Variants in NFIA observed in about 807,000 individuals in gnomAD.
The protein encoded by NFIA is nuclear factor I A.
NFIA carries 8 observed loss-of-function variants against 62.8 expected under a neutral mutation model. The observed-to-expected ratio is 0.13, with a 90% confidence interval of 0.07 to 0.23. The LOEUF (loss-of-function observed/expected upper bound fraction) is 0.23, where lower values mean the gene tolerates loss of function less well. Ranked by LOEUF, NFIA falls within the 10% of genes least tolerant of loss-of-function variation. The probability of loss-of-function intolerance (pLI) is 1.00; values close to 1 mark genes in which losing one functional copy is unlikely to be tolerated. For synonymous variants in NFIA, 235 were observed against 238.1 expected, an observed-to-expected ratio of 0.99 and a Z score of 0.12; for missense variants, 410 against 642.1, an observed-to-expected ratio of 0.64 and a Z score of 3.91.
chr1:61,440,604 A>G (rs1354251016), intron 10 of NFIA, among the ~76,000 whole-genome samples: 1 of 151,984 alleles, frequency 6.6e-6, no homozygotes, highest in Non-Finnish European at 1.5e-5. Flanking sequence ...AAAAAAGAAC[A>G]CGTATTTCTC....
At position 61,404,231 on chromosome 1, in the gene NFIA, A is replaced by G. The variant is rs766403055; in HGVS notation, c.1203A>G (p.Gln401=). 4 of 1,614,088 alleles carry G rather than the reference A, an allele frequency of 2.5e-6. No individual in the cohort carries two copies. The South Asian group carries it at 3.3e-5, about 13-fold the overall frequency. Residue 401 remains glutamine, a synonymous_variant, in exon 8 of 11, where the codon CAA becomes CAG. Coordinates refer to ENST00000403491, the MANE Select transcript of NFIA (RefSeq NM_001134673.4). ...HPQETLKEFV[Q]LVCPDAGQQA... The stretch of plus-strand genomic sequence containing the variant: ...AGGAGACGCTGAAAGAATTTGTCCA[A>G]CTTGTCTGCCCTGATGCTGGTCAGC...
At position 61,404,094 on chromosome 1, in the gene NFIA, T is replaced by G; in HGVS notation, c.1076-10T>G. The G allele has an allele frequency of 6.2e-7, 1 of 1,613,724 alleles. No individual in the cohort carries two copies. Among genetic ancestry groups the G allele is most frequent in the Non-Finnish European group, 8.5e-7 (1 of 1,179,738 alleles). On this transcript the variant is annotated splice_polypyrimidine_tract_variant and intron_variant, in intron 7 of 10. Coordinates refer to ENST00000403491, the MANE Select transcript of NFIA (RefSeq NM_001134673.4). ...TCTTTTCATAACCCTGATGTTTTCT[T>G]TTCCTGCAGCAAGTCCGCATGCAAC...
chr1:61,091,460 T>A (rs1036019459), intron 2 of NFIA, among the ~76,000 whole-genome samples: 4 of 152,192 alleles, frequency 2.6e-5, no homozygotes, highest in African/African-American at 9.7e-5. Context: ...AACTGTGAAT[T>A]TTGTGGCTGA....
At chr1:61,258,772 A>C (rs1656578347) in intron 2 of NFIA, among the ~76,000 whole-genome samples, 1 of 152,048 alleles carries the variant, frequency 6.6e-6, no homozygotes, top group South Asian at 2.1e-4. Context: ...TTTGCCACCC[A>C]GGCTGGAGTG....
At chr1:61,395,132 G>T (rs1272971618) in intron 7 of NFIA, among the ~76,000 whole-genome samples, 2 of 152,014 alleles carry the variant, frequency 1.3e-5, no homozygotes, top group African/African-American at 4.8e-5. Context: ...GAGAAAAGTA[G>T]CCTATGCTTT....
At chr1:61,373,478 A>G (rs1664001950) in intron 6 of NFIA, among the ~76,000 whole-genome samples, 1 of 152,118 alleles carries the variant, frequency 6.6e-6, no homozygotes, top group Non-Finnish European at 1.5e-5. Flanking sequence ...CACTGGAATT[A>G]ATAGAGCTCC....
intron 4 of NFIA, among the ~76,000 whole-genome samples, chr1:61,333,329 AT>A (rs1466347880): frequency 6.6e-6 from 1 of 152,150 alleles, no homozygotes; most frequent in Non-Finnish European, 1.5e-5. Flanking sequence ...AAAAAGAAAC[AT>A]TTTCATTTCA....
intron 2 of NFIA, among the ~76,000 whole-genome samples, chr1:61,109,612 T>C (rs1646661960): frequency 6.6e-6 from 1 of 151,914 alleles, no homozygotes; most frequent in South Asian, 2.1e-4. Flanking sequence ...AAAAGTTTTC[T>C]GTTTATCGGT....
intron 2 of NFIA, among the ~76,000 whole-genome samples, chr1:61,151,793 C>G (rs1648434161): frequency 6.6e-6 from 1 of 152,232 alleles, no homozygotes; most frequent in Non-Finnish European, 1.5e-5. Flanking sequence ...CACTGGCTCA[C>G]AGAGTGATGA....
chr1:61,324,039 A>G (rs1409894612), intron 3 of NFIA, among the ~76,000 whole-genome samples: 1 of 152,186 alleles, frequency 6.6e-6, no homozygotes, highest in African/African-American at 2.4e-5. Flanking sequence ...CACACCTAAA[A>G]TGTTCTGTGT....
chr1:61,095,811 C>A (rs1323055304), intron 2 of NFIA, among the ~76,000 whole-genome samples: 1 of 152,046 alleles, frequency 6.6e-6, no homozygotes, highest in African/African-American at 2.4e-5. Flanking sequence ...TTTGAGAAGC[C>A]TTTGTGTATT....
intron 6 of NFIA, among the ~76,000 whole-genome samples, chr1:61,370,677 ATTC>A (rs1264447194): frequency 1.3e-5 from 2 of 152,144 alleles, no homozygotes; most frequent in African/African-American, 4.8e-5. Flanking sequence ...CAAGTGAGGA[ATTC>A]TTCCTGTGGT....
At chr1:61,444,977 T>A (rs184748600) in intron 10 of NFIA, among the ~76,000 whole-genome samples, 56 of 152,316 alleles carry the variant, frequency 3.7e-4, no homozygotes, top group African/African-American at 1.3e-3. Context: ...TTCCCAAATC[T>A]CAGTTGCTGG....
chr1:61,307,907 G>C (rs1041674), intron 3 of NFIA, among the ~76,000 whole-genome samples: 72,676 of 151,960 alleles, frequency 0.48, 19,982 homozygotes, highest in South Asian at 0.67. Flanking sequence ...AATGTCAGTT[G>C]TTGTTGTTGT....
intron 6 of NFIA, among the ~76,000 whole-genome samples, chr1:61,376,647 CT>C (rs1242494911): frequency 2.6e-5 from 4 of 152,150 alleles, no homozygotes; most frequent in East Asian, 1.9e-4. Context: ...TATACCCTTC[CT>C]TTTTTTCCCC....
chr1:61,386,624 C>A (rs1053297705), intron 7 of NFIA, among the ~76,000 whole-genome samples: 1 of 152,190 alleles, frequency 6.6e-6, no homozygotes, highest in African/African-American at 2.4e-5. Context: ...AAGGTCACCT[C>A]ACTAAAAACA....
At chr1:61,128,608 G>T (rs1239677165) in intron 2 of NFIA, among the ~76,000 whole-genome samples, 2 of 151,988 alleles carry the variant, frequency 1.3e-5, no homozygotes, top group Non-Finnish European at 2.9e-5. Flanking sequence ...CAAAAAAGAT[G>T]ACCTTTATTA....
At chr1:61,248,485 A>G (rs1044502697) in intron 2 of NFIA, among the ~76,000 whole-genome samples, 1 of 152,122 alleles carries the variant, frequency 6.6e-6, no homozygotes, top group Non-Finnish European at 1.5e-5. Context: ...TTTCCTTATG[A>G]TGTGTGATTT....
intron 10 of NFIA, among the ~76,000 whole-genome samples, chr1:61,429,653 G>C (rs1025178805): frequency 5.9e-5 from 9 of 152,236 alleles, no homozygotes; most frequent in Non-Finnish European, 1.2e-4. Context: ...TAGCCAAAAG[G>C]TGGAAGCAAC....
Sources: allele counts gnomAD v4.1 joint callset (sites outside exome capture counted in the v4.1 genomes callset), GRCh38; gene constraint gnomAD v4.1.1; transcripts MANE v1.5; gene names NCBI Gene and HGNC (gene_info 2026-07-23, HGNC 2026-07-21).